PPP4R2: variants seen among roughly 807,000 people sequenced by gnomAD.
PPP4R2 encodes the protein protein phosphatase 4 regulatory subunit 2, also known as serine/threonine-protein phosphatase 4 regulatory subunit 2.
Under a neutral mutation model 47.2 loss-of-function variants are expected in PPP4R2, and 13 were observed. The ratio of observed to expected loss-of-function variants is 0.28; its 90% CI spans 0.18 to 0.44. The LOEUF (loss-of-function observed/expected upper bound fraction) is 0.44. PPP4R2 is among the 20% of genes least tolerant of loss of function. PPP4R2 has a pLI of 1.00. For missense variants in PPP4R2, 421 were observed against 491.2 expected, an observed-to-expected ratio of 0.86 and a Z score of 1.35; for synonymous variants, 151 against 163.3, an observed-to-expected ratio of 0.92 and a Z score of 0.57.
chr3:73,000,359 T>C (rs1191573285), intron 2 of PPP4R2, among the ~76,000 whole-genome samples: 3 of 152,114 alleles, frequency 2.0e-5, no homozygotes, highest in Non-Finnish European at 4.4e-5. Context: ...TCATAGTTGT[T>C]TTTATTTTCA....
intron 5 of PPP4R2, chr3:73,063,159 C>G: frequency 2.1e-6 from 1 of 473,490 alleles, no homozygotes; most frequent in Middle Eastern, 3.4e-4. Flanking sequence ...AGATGAGCAA[C>G]CCCACATTTT....
At chr3:73,059,807 C>T (rs1446624179) in intron 4 of PPP4R2, among the ~76,000 whole-genome samples, 7 of 151,710 alleles carry the variant, frequency 4.6e-5, no homozygotes, top group African/African-American at 7.3e-5. Context: ...TGGTGGTGCA[C>T]GCCTGTAATC....
intron 3 of PPP4R2, among the ~76,000 whole-genome samples, chr3:73,048,167 G>A (rs1030294463): frequency 2.0e-5 from 3 of 152,142 alleles, no homozygotes; most frequent in Middle Eastern, 3.4e-3. Context: ...GAGCCACCAC[G>A]CCCGGCAGTA....
chr3:73,022,898 A>G (rs1701988452), intron 2 of PPP4R2, among the ~76,000 whole-genome samples: 1 of 151,806 alleles, frequency 6.6e-6, no homozygotes, highest in African/African-American at 2.4e-5. Flanking sequence ...AGAGACATTC[A>G]CTCTTGAAGG....
At chr3:73,062,907 A>C in intron 5 of PPP4R2, 1 of 1,606,866 alleles carries the variant, frequency 6.2e-7, no homozygotes, top group Middle Eastern at 1.7e-4. Flanking sequence ...TTAGTTGCCA[A>C]GAAAGCACAG....
At chr3:73,033,206 T>A (rs1027267787) in intron 2 of PPP4R2, among the ~76,000 whole-genome samples, 2 of 152,220 alleles carry the variant, frequency 1.3e-5, no homozygotes, top group African/African-American at 2.4e-5. Flanking sequence ...TTATTCTACC[T>A]ACTTATTTGA....
At chr3:73,065,167 G>C in intron 8 of PPP4R2, 26 bp downstream of exon 8, 1 of 1,552,702 alleles carries the variant, frequency 6.4e-7, no homozygotes, top group Non-Finnish European at 8.7e-7. Context: ...CTGTAAAAGG[G>C]TGGAGTAAGG....
At chr3:73,057,706 T>C (rs1232775339) in intron 3 of PPP4R2, among the ~76,000 whole-genome samples, 1 of 152,120 alleles carries the variant, frequency 6.6e-6, no homozygotes, top group Non-Finnish European at 1.5e-5. Context: ...ACACAAAGAA[T>C]ATGAGAACCA....
intron 3 of PPP4R2, among the ~76,000 whole-genome samples, chr3:73,050,440 A>G (rs72877531): frequency 0.079 from 11,941 of 151,868 alleles, 605 homozygotes; most frequent in African/African-American, 0.14. Context: ...AAAATGTTCA[A>G]TTTTTGTGTT....
chr3:73,055,012 T>TA (rs1040507073), intron 3 of PPP4R2, among the ~76,000 whole-genome samples: 9 of 152,004 alleles, frequency 5.9e-5, no homozygotes, highest in South Asian at 2.1e-4. Flanking sequence ...CTTCTGCTTT[T>TA]AAAAAAAAGT....
intron 2 of PPP4R2, among the ~76,000 whole-genome samples, chr3:73,001,954 TTGG>T (rs1701471851): frequency 6.6e-6 from 1 of 152,176 alleles, no homozygotes; most frequent in Admixed American, 6.5e-5. Context: ...AGTGTACAGT[TTGG>T]TGGTAATAAA....
At chr3:73,045,828 T>A (rs1296423202) in intron 2 of PPP4R2, among the ~76,000 whole-genome samples, 1 of 152,208 alleles carries the variant, frequency 6.6e-6, no homozygotes, top group Admixed American at 6.5e-5. Context: ...AAATAAGCTT[T>A]ATTTGTGTGG....
intron 2 of PPP4R2, among the ~76,000 whole-genome samples, chr3:73,029,937 G>T (rs1468285766): frequency 6.6e-6 from 1 of 152,186 alleles, no homozygotes; most frequent in South Asian, 2.1e-4. Context: ...ATTGGAGTTC[G>T]TTGGTGATCT....
Position 73,037,128 on chromosome 3 carries a change from T to C in PPP4R2, c.117-10058T>C, listed in dbSNP as rs914245508. ...GGTTGGATAGAAGGGGGATTTTTTTTCCCCCTCCACTTAATACACAGACGA... is the reference window on the plus strand; with the variant it reads ...GGTTGGATAGAAGGGGGATTTTTTTCCCCCCTCCACTTAATACACAGACGA... On this transcript the variant is annotated intron_variant, in intron 2 of 8. Coordinates refer to ENST00000356692, the MANE Select transcript of PPP4R2 (RefSeq NM_174907.4). Among the ~76,000 whole-genome samples, 10 of 152,180 alleles carry C rather than the reference T, an allele frequency of 6.6e-5. No individual in the cohort carries two copies. In the East Asian group the frequency reaches 1.4e-3, roughly 21 times the overall value.
intron 2 of PPP4R2, among the ~76,000 whole-genome samples, chr3:73,018,466 G>GTTATGTTATTTATGT (rs1553646475): frequency 4.4e-5 from 3 of 68,822 alleles, no homozygotes; most frequent in African/African-American, 1.9e-4. Flanking sequence ...TGTTATGTTA[G>GTTATGTTATTTATGT]TATCCGAAAC....
intron 3 of PPP4R2, among the ~76,000 whole-genome samples, chr3:73,051,921 G>A (rs957121714): frequency 1.3e-5 from 2 of 152,128 alleles, no homozygotes; most frequent in Non-Finnish European, 2.9e-5. Flanking sequence ...CACTGCGCCC[G>A]GCCAAAGTAC....
chr3:73,008,329 A>G (rs1043743561), intron 2 of PPP4R2, among the ~76,000 whole-genome samples: 23 of 152,348 alleles, frequency 1.5e-4, no homozygotes, highest in African/African-American at 5.3e-4. Context: ...TAAGATATGA[A>G]CATGAATAAA....
chr3:72,999,242 G>A (rs1412563250), intron 2 of PPP4R2, among the ~76,000 whole-genome samples: 1 of 152,092 alleles, frequency 6.6e-6, no homozygotes, highest in African/African-American at 2.4e-5. Context: ...TAAAAAATGG[G>A]ACCCTCTGGG....
chr3:73,063,497 G>A (rs948155482), intron 5 of PPP4R2, among the ~76,000 whole-genome samples, 176 bp from the exon 6 acceptor site: 2 of 151,930 alleles, frequency 1.3e-5, no homozygotes, highest in African/African-American at 2.4e-5. Context: ...GGCATCACAC[G>A]TCTGTCATCC....
Sources: gnomAD v4.1 joint callset for allele counts (sites outside exome capture counted in the v4.1 genomes callset) on GRCh38, gnomAD v4.1.1 for gene constraint, MANE v1.5 for transcripts, NCBI Gene and HGNC (gene_info 2026-07-23, HGNC 2026-07-21) for gene names.